Variants in PCBP3 observed in about 807,000 individuals in gnomAD.
PCBP3 encodes poly(rC)-binding protein 3.
PCBP3 carries 25 observed loss-of-function variants against 52.7 expected under a neutral mutation model. That is an observed-to-expected ratio of 0.47 (90% CI 0.35 to 0.66). PCBP3 has a LOEUF of 0.66. Among genes scored for constraint, PCBP3 ranks in the 30% least tolerant of loss-of-function variants. The pLI is 0.01. For missense variants in PCBP3, 391 were observed against 490.3 expected, an observed-to-expected ratio of 0.80 and a Z score of 1.91; for synonymous variants, 162 against 183.0, an observed-to-expected ratio of 0.89 and a Z score of 0.93.
At chr21:45,859,791 C>A (rs2094444225) in intron 5 of PCBP3, 1 of 152,464 alleles carries the variant, frequency 6.6e-6, no homozygotes, top group African/African-American at 2.4e-5. Flanking sequence ...ACCTCCCAGG[C>A]CTGGTCTCCA....
At chr21:45,841,788 C>G (rs1403797492) in intron 4 of PCBP3, among the ~76,000 whole-genome samples, 1 of 152,194 alleles carries the variant, frequency 6.6e-6, no homozygotes, top group Admixed American at 6.5e-5. Flanking sequence ...CATTCCTAGC[C>G]TCAGCAACCA....
chr21:45,742,509 G>A (rs1016865881), intron 3 of PCBP3, among the ~76,000 whole-genome samples: 10 of 152,120 alleles, frequency 6.6e-5, no homozygotes, highest in Non-Finnish European at 1.2e-4. Context: ...CAGTTGAGTC[G>A]TGCACTTTTT....
chr21:45,861,120 C>A (rs1014250594), intron 5 of PCBP3, among the ~76,000 whole-genome samples: 1 of 152,212 alleles, frequency 6.6e-6, no homozygotes, highest in African/African-American at 2.4e-5. Context: ...CCTTCACAAG[C>A]GCTGTGGCTT....
chr21:45,803,070 C>T (rs530937106), intron 4 of PCBP3, among the ~76,000 whole-genome samples: 4 of 152,318 alleles, frequency 2.6e-5, no homozygotes, highest in Non-Finnish European at 5.9e-5. Flanking sequence ...TTTATCTATT[C>T]GTTGGAAGTC....
rs1371655548 is a variant in PCBP3, at chr21:45,829,342, C to G, written c.-125-20619C>G. On this transcript the variant is annotated intron_variant, in intron 4 of 17. Coordinates refer to ENST00000681687, the MANE Select transcript of PCBP3 (RefSeq NM_001384156.1). This position sits in a 1 kb window ranked among gnomAD's most constrained non-coding sequence, Gnocchi z 5.2. Reference sequence around the variant, plus strand: ...GCTTCTGCAATTGTGAGCTGCTGTCCTCATCGAACACCCTCAGCACACTGG... The same window carrying G: ...GCTTCTGCAATTGTGAGCTGCTGTCGTCATCGAACACCCTCAGCACACTGG... 6.6e-6 allele frequency: 1 copy of G among 152,192 alleles called. No homozygotes were observed. Among genetic ancestry groups the G allele is most frequent in the African/African-American group, 2.4e-5 (1 of 41,434 alleles). 9.4% of individuals were successfully genotyped at this position (152,192 alleles called of 1,614,324 possible). A position where few individuals can be genotyped will look rare whatever the true frequency, so the allele number is the denominator to read the frequency against.
At chr21:45,929,003 G>A (rs902339701) in intron 13 of PCBP3, among the ~76,000 whole-genome samples, 10 of 152,190 alleles carry the variant, frequency 6.6e-5, no homozygotes, top group Non-Finnish European at 1.0e-4. Flanking sequence ...CAGGCCTGAG[G>A]AGCACCATGC....
intron 4 of PCBP3, chr21:45,828,754 G>A (rs1208021184): frequency 6.6e-6 from 1 of 152,662 alleles, no homozygotes; most frequent in Non-Finnish European, 1.5e-5. Flanking sequence ...CAGGGAAGTG[G>A]GCCTGGGAGA....
At position 45,789,166 on chromosome 21, in the gene PCBP3, ATGTG is replaced by A. The variant is rs1205929755; in HGVS notation, c.-126+33719_-126+33722del. Reference sequence around the variant, plus strand: ...GGCATGAAGCAGAGGTCAGGAGTGAATGTGTGTGCACACGTGCGTGTGCATGTGT... The same window carrying A: ...GGCATGAAGCAGAGGTCAGGAGTGAATGTGCACACGTGCGTGTGCATGTGT... On this transcript the variant is annotated intron_variant, in intron 4 of 17. Coordinates refer to ENST00000681687, the MANE Select transcript of PCBP3 (RefSeq NM_001384156.1). 3.3e-5 allele frequency among the ~76,000 whole-genome samples: 5 copies of A among 152,174 alleles called. No homozygotes were observed. In the South Asian group the frequency reaches 8.3e-4, roughly 25 times the overall value.
chr21:45,686,540 A>G (rs774242918), intron 2 of PCBP3, among the ~76,000 whole-genome samples: 2 of 152,250 alleles, frequency 1.3e-5, no homozygotes, highest in Non-Finnish European at 2.9e-5. Context: ...TGGACCTACA[A>G]AGAAGCAAGA....
At chr21:45,709,212 C>T (rs1182509525) in intron 2 of PCBP3, among the ~76,000 whole-genome samples, 3 of 152,306 alleles carry the variant, frequency 2.0e-5, no homozygotes, top group East Asian at 1.9e-4. Flanking sequence ...AGCCTGTCTT[C>T]GGAACATTCG....
chr21:45,751,239 A>G (rs533109309), intron 3 of PCBP3, among the ~76,000 whole-genome samples: 1 of 152,294 alleles, frequency 6.6e-6, no homozygotes, highest in African/African-American at 2.4e-5. Flanking sequence ...TTAGCCTTCC[A>G]TATGTATGTT....
rs147695174 is a variant in PCBP3 at position 45,903,693 on chromosome 21, A to G, written c.339+2580A>G. Among the ~76,000 whole-genome samples the G allele has an allele frequency of 4.7e-3, 715 of 152,324 alleles. 5 individuals are homozygous for G. The highest frequency in any genetic ancestry group is 0.016 in the African/African-American group (658 of 41,558). ...CAACCAGGGGTCCATGGAGAATAAG[A>G]GGGAGAATGATTATATATAAGCAGA... is the stretch of plus-strand genomic sequence containing the variant. On this transcript the variant is annotated intron_variant, in intron 9 of 17. Transcript: ENST00000681687.
At chr21:45,753,079 A>G (rs1327502194) in intron 3 of PCBP3, 1 of 126,648 alleles carries the variant, frequency 7.9e-6, no homozygotes, top group Non-Finnish European at 1.6e-5. Context: ...GTGAATTATG[A>G]TTGTACCACT....
At chr21:45,690,175 C>A in intron 2 of PCBP3, among the ~76,000 whole-genome samples, 1 of 152,074 alleles carries the variant, frequency 6.6e-6, no homozygotes, top group East Asian at 1.9e-4. Flanking sequence ...TAAAAATAGA[C>A]CCAAGCTTGT....
chr21:45,909,340 G>A lies in PCBP3; in HGVS notation c.340-15G>A, dbSNP rs1318661118. 7 of 1,609,256 alleles carry A rather than the reference G, an allele frequency of 4.3e-6. No individual in the cohort carries two copies. Among genetic ancestry groups the A allele is most frequent in the South Asian group, 3.3e-5 (3 of 90,962 alleles). Reference sequence around the variant, plus strand: ...GACGCCTGAAGTGCTGCCAACACACGTGTCTCTCCCCTAGGATATCATCAA... The same window carrying A: ...GACGCCTGAAGTGCTGCCAACACACATGTCTCTCCCCTAGGATATCATCAA... On this transcript the variant is annotated splice_polypyrimidine_tract_variant and intron_variant, in intron 9 of 17. Coordinates refer to ENST00000681687, the MANE Select transcript of PCBP3 (RefSeq NM_001384156.1).
In PCBP3 at chr21:45,904,201, G is replaced by A. The variant is rs953878358; in HGVS notation, c.339+3088G>A. Among the ~76,000 whole-genome samples the A allele has an allele frequency of 2.0e-5, 3 of 152,292 alleles. No homozygotes were observed. ...ATCTCTGCCGCAGCAGGGCAGAGTC[G>A]AGTATCAGGAATTCCTAAAGGTACA... On this transcript the variant is annotated intron_variant, in intron 9 of 17. Coordinates refer to ENST00000681687, the MANE Select transcript of PCBP3 (RefSeq NM_001384156.1). This position sits in a 1 kb window ranked among gnomAD's most constrained non-coding sequence, Gnocchi z 4.8.
rs553492622 is a variant in PCBP3, at chr21:45,895,171, T to C, written c.11-1037T>C. On this transcript the variant is annotated intron_variant, in intron 5 of 17. Coordinates refer to ENST00000681687, the MANE Select transcript of PCBP3 (RefSeq NM_001384156.1). The stretch of plus-strand genomic sequence containing the variant: ...CACCACAAAGGCAGTTGGAACGGGC[T>C]TTACGTCTGTGTTATCTTTGTGTTT... Among the ~76,000 whole-genome samples the C allele has an allele frequency of 6.6e-5, 10 of 152,376 alleles. No individual in the cohort carries two copies. The South Asian group carries it at 2.1e-3, about 32-fold the overall frequency.
intron 4 of PCBP3, among the ~76,000 whole-genome samples, chr21:45,847,062 G>A (rs1603449787): frequency 6.6e-6 from 1 of 152,042 alleles, no homozygotes; most frequent in Non-Finnish European, 1.5e-5. Context: ...TTTATTTATT[G>A]TGCATCTTTT....
intron 4 of PCBP3, among the ~76,000 whole-genome samples, chr21:45,797,582 GTGCATGGATGGATGAA>G (rs1473379711): frequency 1.9e-3 from 7 of 3,728 alleles, no homozygotes; most frequent in South Asian, 5.6e-3. Context: ...GAGTGATTGT[GTGCATGGATGGATGAA>G]TGCATGGATG....
Sources: gnomAD v4.1 joint callset for allele counts (sites outside exome capture counted in the v4.1 genomes callset) on GRCh38, gnomAD v4.1.1 for gene constraint, Gnocchi (gnomAD v3.1) non-coding constraint, MANE v1.5 for transcripts, NCBI Gene and HGNC (gene_info 2026-07-23, HGNC 2026-07-21) for gene names.